Variants in GNS observed in about 807,000 individuals in gnomAD.
GNS encodes the protein N-acetylglucosamine-6-sulfatase.
GNS carries 40 observed loss-of-function variants against 69.7 expected under a neutral mutation model. The ratio of observed to expected loss-of-function variants is 0.57; its 90% CI spans 0.45 to 0.75. GNS has a LOEUF of 0.75. GNS is among the 30% of genes least tolerant of loss of function. GNS has a pLI of 0.00. For missense variants in GNS, 565 were observed against 685.5 expected (o/e 0.82, Z 1.96); for synonymous variants, 243 against 251.6 (o/e 0.97, Z 0.32).
rs906469651 is a variant in GNS, at chr12:64,715,273, C to T, written c.*1468G>A. On this transcript the variant is annotated 3_prime_UTR_variant, in exon 14 of 14. Coordinates refer to ENST00000258145, the MANE Select transcript of GNS (RefSeq NM_002076.4). ...GTGGCTCATGCCTGTAATCCCAGCA[C>T]TCTGGGAGGCCGAGGTGGGTGGATC... 1 of 152,156 alleles carries T rather than the reference C, an allele frequency of 6.6e-6. No homozygotes were observed. Among genetic ancestry groups the T allele is most frequent in the Non-Finnish European group, 1.5e-5 (1 of 68,054 alleles). The allele number at this position is 152,156 out of a possible 1,614,324, so 9.4% of individuals were successfully genotyped here. A position where few individuals can be genotyped will look rare whatever the true frequency, so the allele number is the denominator to read the frequency against.
chr12:64,730,274 A>C (rs1200063199), intron 9 of GNS, among the ~76,000 whole-genome samples: 1 of 152,186 alleles, frequency 6.6e-6, no homozygotes, highest in Non-Finnish European at 1.5e-5. Flanking sequence ...TATAACTGGA[A>C]AAGCCATTAC....
chr12:64,727,255 C>T (rs1869232401), intron 10 of GNS, among the ~76,000 whole-genome samples: 1 of 140,004 alleles, frequency 7.1e-6, no homozygotes, highest in African/African-American at 2.6e-5. Flanking sequence ...TGTAGGGAGA[C>T]CTCATTTCTA....
At chr12:64,744,567 T>G (rs1869842146) in intron 5 of GNS, among the ~76,000 whole-genome samples, 2 of 152,248 alleles carry the variant, frequency 1.3e-5, no homozygotes, top group African/African-American at 4.8e-5. Context: ...AGATTAACCT[T>G]TGGAAAAGGG....
At chr12:64,721,743 T>C (rs1869034030) in intron 11 of GNS, 38 bp from the exon 12 acceptor site, 1 of 1,044,566 alleles carries the variant, frequency 9.6e-7, no homozygotes, top group East Asian at 2.4e-5. Flanking sequence ...AAGACAGTTC[T>C]TCCATAGTAA....
At chr12:64,744,307 G>C (rs1869834008) in intron 5 of GNS, among the ~76,000 whole-genome samples, 1 of 152,182 alleles carries the variant, frequency 6.6e-6, no homozygotes, top group Non-Finnish European at 1.5e-5. Context: ...CTCAACTATT[G>C]AGTGAATATA....
chr12:64,734,340 G>A (rs916266285), intron 9 of GNS, among the ~76,000 whole-genome samples: 1 of 152,142 alleles, frequency 6.6e-6, no homozygotes, highest in African/African-American at 2.4e-5. Flanking sequence ...ATCCTAGACT[G>A]AAAAAGACAA....
Position 64,716,289 on chromosome 12 carries a change from T to C in GNS, c.*452A>G, listed in dbSNP as rs930688129. 4.4e-6 allele frequency: 1 copy of C among 225,560 alleles called. No individual in the cohort carries two copies. Among genetic ancestry groups the C allele is most frequent in the South Asian group, 6.8e-5 (1 of 14,760 alleles). The allele number at this position is 225,560 out of a possible 1,614,324, so 14.0% of individuals were successfully genotyped here. On this transcript the variant is annotated 3_prime_UTR_variant, in exon 14 of 14. Coordinates refer to ENST00000258145, the MANE Select transcript of GNS (RefSeq NM_002076.4). ...AGCCATGTGATGTTAGTATTTTTGA[T>C]AGTGAAGTGCTCAATCTGAAATGCT...
intron 10 of GNS, among the ~76,000 whole-genome samples, chr12:64,724,900 C>T (rs1168221655): frequency 6.6e-6 from 1 of 152,124 alleles, no homozygotes; most frequent in Non-Finnish European, 1.5e-5. Context: ...GCTGCCAAAC[C>T]TGAGCCATGG....
chr12:64,734,132 T>A (rs1466837721), intron 9 of GNS, among the ~76,000 whole-genome samples: 1 of 152,234 alleles, frequency 6.6e-6, no homozygotes, highest in African/African-American at 2.4e-5. Flanking sequence ...AGGGGAAAGC[T>A]GGGGCATTTC....
chr12:64,716,128 A>G lies in GNS; in HGVS notation c.*613T>C, dbSNP rs1351433141. The G allele has an allele frequency of 2.2e-4, 36 of 160,086 alleles. No individual in the cohort carries two copies. Among genetic ancestry groups the G allele is most frequent in the Admixed American group, 2.1e-3 (36 of 17,324 alleles). The allele number at this position is 160,086 out of a possible 1,614,324, so 9.9% of individuals were successfully genotyped here. On this transcript the variant is annotated 3_prime_UTR_variant, in exon 14 of 14. Coordinates refer to ENST00000258145, the MANE Select transcript of GNS (RefSeq NM_002076.4). Reference sequence around the variant, plus strand: ...GCCTAGAATTCACAAAAACATGAACAGAGCTTGGGTGACATGTTTTGAATT... The same window carrying G: ...GCCTAGAATTCACAAAAACATGAACGGAGCTTGGGTGACATGTTTTGAATT...
At chr12:64,729,720 T>C (rs1253121650) in intron 9 of GNS, among the ~76,000 whole-genome samples, 1 of 152,216 alleles carries the variant, frequency 6.6e-6, no homozygotes, top group Non-Finnish European at 1.5e-5. Context: ...ACTATTTTCC[T>C]TCTGTAAGAC....
chr12:64,758,362 C>T (rs1220077102), intron 1 of GNS, among the ~76,000 whole-genome samples: 1 of 118,592 alleles, frequency 8.4e-6, no homozygotes, highest in Non-Finnish European at 1.6e-5. Flanking sequence ...CTCGCTCTGT[C>T]GCCAGGCTGG....
chr12:64,747,973 C>T (rs1426740577), intron 2 of GNS, 55 bp from the exon 3 acceptor site: 2 of 935,030 alleles, frequency 2.1e-6, no homozygotes, highest in Non-Finnish European at 3.6e-6. Flanking sequence ...ATGGACTTCT[C>T]ATCATTGTTA....
intron 3 of GNS, 36 bp from the exon 4 acceptor site, chr12:64,745,760 C>T (rs779790587): frequency 1.7e-5 from 22 of 1,290,674 alleles, no homozygotes; most frequent in Non-Finnish European, 2.4e-5. Flanking sequence ...ATTACAAGTC[C>T]TTAGATATGA....
chr12:64,735,415 ATAAACT>A (rs1869531064), intron 9 of GNS, among the ~76,000 whole-genome samples: 1 of 152,254 alleles, frequency 6.6e-6, no homozygotes, highest in African/African-American at 2.4e-5. Context: ...AAATCAGGTA[ATAAACT>A]TAGAATAGCA....
Position 64,723,011 on chromosome 12 carries a change from C to G in GNS, c.1303G>C (p.Val435Leu). ...DPTCPSLSPG[V>L]SQCFPDCVCE... is the part of the protein sequence containing the mutation. ...TGATTCAAGCTATTACTCACAGATA[C>G]GCCAGGACTCAGGGAAGGGCATGTT... The change falls in exon 11 of 14, where the codon GTA becomes CTA. Residue 435 changes from valine (V) to leucine (L), a missense_variant. Coordinates refer to ENST00000258145, the MANE Select transcript of GNS (RefSeq NM_002076.4). The G allele has an allele frequency of 1.3e-6, 2 of 1,575,844 alleles. No homozygotes were observed. The highest frequency in any genetic ancestry group is 1.7e-6 in the Non-Finnish European group (2 of 1,145,034).
intron 10 of GNS, among the ~76,000 whole-genome samples, chr12:64,723,633 T>C (rs1436136948): frequency 1.3e-5 from 2 of 152,200 alleles, no homozygotes; most frequent in East Asian, 3.8e-4. Context: ...CACTTTTCAA[T>C]GTACATTCAT....
chr12:64,758,481 C>T (rs1013745191), intron 1 of GNS, among the ~76,000 whole-genome samples: 2 of 152,050 alleles, frequency 1.3e-5, no homozygotes, highest in Non-Finnish European at 2.9e-5. Context: ...CGCCACCACG[C>T]CCAGCTAGAA....
chr12:64,722,445 C>T (rs1214638188), intron 11 of GNS, among the ~76,000 whole-genome samples: 1 of 152,212 alleles, frequency 6.6e-6, no homozygotes, highest in Admixed American at 6.5e-5. Flanking sequence ...CCAGGTACGA[C>T]TTAAATCTAA....
Sources: allele counts gnomAD v4.1 joint callset (sites outside exome capture counted in the v4.1 genomes callset), GRCh38; gene constraint gnomAD v4.1.1; transcripts MANE v1.5; gene names NCBI Gene and HGNC (gene_info 2026-07-23, HGNC 2026-07-21).